Variants in SRP19 observed in about 807,000 individuals in gnomAD.
The protein encoded by SRP19 is signal recognition particle 19 kDa protein.
SRP19 carries 11 observed loss-of-function variants against 22.4 expected under a neutral mutation model. The ratio of observed to expected loss-of-function variants is 0.49; its 90% CI spans 0.31 to 0.81. The LOEUF is 0.81. SRP19 is among the 40% of genes least tolerant of loss of function. SRP19 has a pLI of 0.05. For synonymous variants in SRP19, 61 were observed against 57.6 expected (o/e 1.06, Z -0.27); for missense variants, 168 against 175.9 (o/e 0.96, Z 0.25).
chr5:112,885,724 A>C lies in SRP19; in HGVS notation c.302-5879A>C, dbSNP rs1768222881. ...TCTGTCAGTGGGGACATTATCAGCC[A>C]AGCTTGAAGCTATTAATGAACTAAT... On this transcript the variant is annotated intron_variant, in intron 4 of 4. Transcript: ENST00000391338. 1.0e-5 allele frequency: 3 copies of C among 299,150 alleles called. No individual in the cohort carries two copies. The South Asian group carries it at 1.2e-4, about 12-fold the overall frequency. 18.5% of individuals were successfully genotyped at this position (299,150 alleles called of 1,614,324 possible).
chr5:112,866,344 G>A (rs749414161), intron 4 of SRP19, among the ~76,000 whole-genome samples: 2 of 151,872 alleles, frequency 1.3e-5, no homozygotes, highest in South Asian at 2.1e-4. Context: ...TCGAACTCTC[G>A]ACCTCAGGTG....
intron 4 of SRP19, chr5:112,891,493 G>A: frequency 9.3e-7 from 1 of 1,076,694 alleles, no homozygotes; most frequent in Non-Finnish European, 1.3e-6. Flanking sequence ...AAAGTAATTT[G>A]TAATATATAT....
chr5:112,897,713 G>A (rs554452693), downstream of SRP19: 2 of 152,100 alleles, frequency 1.3e-5, no homozygotes, highest in African/African-American at 4.8e-5. Context: ...AGCTGCTTTA[G>A]AAAAATGAAA....
chr5:112,880,979 A>G (rs1180477751), intron 4 of SRP19, among the ~76,000 whole-genome samples: 1 of 152,028 alleles, frequency 6.6e-6, no homozygotes, highest in Admixed American at 6.6e-5. Flanking sequence ...AAATACAAGT[A>G]TCAGCTGGGC....
exon 5 of SRP19, chr5:112,893,014 C>G (rs61747099): frequency 3.2e-6 from 5 of 1,554,218 alleles, no homozygotes; most frequent in South Asian, 1.1e-5. Context: ...CTCTAGGTGC[C>G]GAAGTCGTGG....
rs926420313 is a variant in SRP19, at chr5:112,867,231, T to C, written c.302-173T>C. The C allele has an allele frequency of 4.6e-6, 3 of 655,322 alleles. No individual in the cohort carries two copies. The African/African-American group carries it at 5.4e-5, about 12-fold the overall frequency. The allele number at this position is 655,322 out of a possible 1,614,324, so 40.6% of individuals were successfully genotyped here. A position where few individuals can be genotyped will look rare whatever the true frequency, so the allele number is the denominator to read the frequency against. ...AGCATTATTCTCACTCTCAGTACAT[T>C]TCCCCCGACTTGAGCTAGTCAGTGT... On this transcript the variant is annotated intron_variant, in intron 4 of 4. Transcript: ENST00000505459.
chr5:112,871,361 T>C (rs1580719606), downstream of SRP19, among the ~76,000 whole-genome samples: 1 of 150,306 alleles, frequency 6.7e-6, no homozygotes, highest in Admixed American at 6.7e-5. Flanking sequence ...CAGGCTAAAG[T>C]GCAGTGGCAC....
At chr5:112,862,656 G>C in intron 2 of SRP19, 73 bp downstream of exon 2, 1 of 1,343,278 alleles carries the variant, frequency 7.4e-7, no homozygotes, top group Non-Finnish European at 1.0e-6. Flanking sequence ...ACGTAATCTT[G>C]TTAGAGCCGC....
At chr5:112,863,166 T>C (rs1031930199) in intron 2 of SRP19, among the ~76,000 whole-genome samples, 1 of 152,190 alleles carries the variant, frequency 6.6e-6, no homozygotes, top group African/African-American at 2.4e-5. Context: ...CACTGTCGCC[T>C]CCGCATATGC....
chr5:112,883,451 A>T (rs1423267274), intron 4 of SRP19, among the ~76,000 whole-genome samples: 1 of 152,124 alleles, frequency 6.6e-6, no homozygotes, highest in African/African-American at 2.4e-5. Flanking sequence ...CAGGGATACC[A>T]CACGCTCATG....
chr5:112,886,225 T>C (rs567424881), intron 4 of SRP19, among the ~76,000 whole-genome samples: 2 of 152,350 alleles, frequency 1.3e-5, no homozygotes, highest in African/African-American at 2.4e-5. Flanking sequence ...AATTCCCCTA[T>C]TTACCTGTTT....
In SRP19 at chr5:112,862,509, T is replaced by C; in HGVS notation, c.43T>C (p.Phe15Leu). The C allele has an allele frequency of 6.3e-7, 1 of 1,599,866 alleles. No individual in the cohort carries two copies. The highest frequency in any genetic ancestry group is 8.5e-7 in the Non-Finnish European group (1 of 1,174,412). The change falls in exon 2 of 5, where the codon TTT (phenylalanine) becomes CTT (leucine). Residue 15 changes from phenylalanine (F) to leucine (L), a missense_variant and splice_region_variant. Transcript: ENST00000505459. ...AARSPADQDR[F>L]ICIYPAYLNN... ...CACTTATGCTATTGTCTATGGCAGG[T>C]TTATTTGTATCTATCCTGCTTATTT...
At chr5:112,864,401 A>G (rs351767) in intron 2 of SRP19, 56 bp from the exon 3 acceptor site, 941,038 of 1,440,194 alleles carry the variant, frequency 0.65, 311,890 homozygotes, top group South Asian at 0.72. Flanking sequence ...ACCCAACACT[A>G]TGGCAGTGTC....
intron 4 of SRP19, among the ~76,000 whole-genome samples, chr5:112,888,481 G>A (rs1278716281): frequency 6.6e-6 from 1 of 152,166 alleles, no homozygotes; most frequent in Non-Finnish European, 1.5e-5. Context: ...GGAGTGCAGT[G>A]GCATGAACAT....
chr5:112,894,466 C>G (rs1045066648), downstream of SRP19: 14 of 152,232 alleles, frequency 9.2e-5, no homozygotes, highest in African/African-American at 2.9e-4. Context: ...ACTGTAGTTG[C>G]TTATATAGGA....
At chr5:112,862,393 A>G in intron 1 of SRP19, 115 bp from the exon 2 acceptor site, 1 of 844,092 alleles carries the variant, frequency 1.2e-6, no homozygotes, top group Admixed American at 2.1e-5. Flanking sequence ...TTGAAAAGGG[A>G]GTACCCATCT....
chr5:112,893,971 A>G (rs1768590963), downstream of SRP19: 1 of 152,198 alleles, frequency 6.6e-6, no homozygotes, highest in South Asian at 2.1e-4. Flanking sequence ...GCATTGACCC[A>G]AAATGGAGAA....
At chr5:112,897,595 C>G (rs1768730185), downstream of SRP19, 1 of 152,146 alleles carries the variant, frequency 6.6e-6, no homozygotes. Flanking sequence ...CAGAGCAAAG[C>G]TCAGAATATG....
chr5:112,892,307 A>T lies in SRP19; in HGVS notation c.*700A>T, dbSNP rs770817305. 5 of 1,614,108 alleles carry T rather than the reference A, an allele frequency of 3.1e-6. No homozygotes were observed. In the Admixed American group the frequency reaches 8.3e-5, roughly 27 times the overall value. On this transcript the variant is annotated 3_prime_UTR_variant, in exon 5 of 5. Transcript: ENST00000391338. Reference sequence around the variant, plus strand: ...GGAATGGAGCAGTGCAGGAGGGATGACTATGACCCTGACGCAAGCCTGGAG... The same window carrying T: ...GGAATGGAGCAGTGCAGGAGGGATGTCTATGACCCTGACGCAAGCCTGGAG...
Sources: gnomAD v4.1 joint callset for allele counts (sites outside exome capture counted in the v4.1 genomes callset) on GRCh38, gnomAD v4.1.1 for gene constraint, MANE v1.5 for transcripts, NCBI Gene and HGNC (gene_info 2026-07-23, HGNC 2026-07-21) for gene names.